Variants in E2F3 observed in about 807,000 individuals in gnomAD.
E2F3 encodes the protein E2F transcription factor 3.
In E2F3, 11 loss-of-function variants were observed where a neutral mutation model predicts 44.4. The observed-to-expected ratio is 0.25, with a 90% CI of 0.16 to 0.41. The LOEUF is 0.41. Ranked by LOEUF, E2F3 falls within the 10% of genes least tolerant of loss-of-function variation. E2F3 has a pLI of 1.00. For synonymous variants in E2F3, 249 were observed against 253.0 expected (o/e 0.98, Z 0.15); for missense variants, 487 against 583.6 (o/e 0.83, Z 1.70).
Position 20,401,931 on chromosome 6 carries a change from C to A in E2F3, c.-302C>A. On this transcript the variant is annotated 5_prime_UTR_variant, in exon 1 of 7. Coordinates refer to ENST00000346618, the MANE Select transcript of E2F3 (RefSeq NM_001949.5). ...GCCATTTTTCAGCTGCCGGCCGCAG[C>A]ACCCGGGCTGCCGCCGCCGCCTCGC... 2.5e-6 allele frequency: 1 copy of A among 405,794 alleles called. No individual in the cohort carries two copies. The highest frequency in any genetic ancestry group is 4.3e-6 in the Non-Finnish European group (1 of 232,340). The allele number at this position is 405,794 out of a possible 1,614,324, so 25.1% of individuals were successfully genotyped here. A position where few individuals can be genotyped will look rare whatever the true frequency, so the allele number is the denominator to read the frequency against.
At chr6:20,459,831 A>T (rs1360908848) in intron 1 of E2F3, among the ~76,000 whole-genome samples, 1 of 152,132 alleles carries the variant, frequency 6.6e-6, no homozygotes, top group Non-Finnish European at 1.5e-5. Flanking sequence ...AGTCCCAGCT[A>T]CTTGGGGGGT....
At chr6:20,486,897 T>G (rs532869275) in intron 5 of E2F3, 94 bp downstream of exon 5, 1 of 743,606 alleles carries the variant, frequency 1.3e-6, no homozygotes, top group East Asian at 2.6e-5. Context: ...TCTGTCCCCC[T>G]CCTATGAACT....
chr6:20,415,395 C>T (rs10080579), intron 1 of E2F3, among the ~76,000 whole-genome samples: 14,061 of 152,244 alleles, frequency 0.092, 1,846 homozygotes, highest in African/African-American at 0.29. Flanking sequence ...AGATACTTCT[C>T]CGTGGTGATA....
In E2F3 at chr6:20,402,645, C is replaced by T; in HGVS notation, c.393+20C>T. Reference sequence around the variant, plus strand: ...CCTCCGGTAATACCCTCCCTCCCCACCGTCCCCAGCCCCGGCGGGAGGTGG... The same window carrying T: ...CCTCCGGTAATACCCTCCCTCCCCATCGTCCCCAGCCCCGGCGGGAGGTGG... On this transcript the variant is annotated intron_variant, in intron 1 of 6. Transcript: ENST00000346618. This position sits in a 1 kb window ranked among gnomAD's most constrained non-coding sequence, Gnocchi z 5.6. 1 of 1,317,978 alleles carries T rather than the reference C, an allele frequency of 7.6e-7. No homozygotes were observed. The highest frequency in any genetic ancestry group is 9.6e-7 in the Non-Finnish European group (1 of 1,040,576). 81.6% of individuals were successfully genotyped at this position (1,317,978 alleles called of 1,614,324 possible).
intron 1 of E2F3, among the ~76,000 whole-genome samples, chr6:20,424,383 ATGTGTGTGTG>A (rs57510288): frequency 3.4e-5 from 5 of 147,052 alleles, no homozygotes; most frequent in East Asian, 2.0e-4. Context: ...GAGTGTGTGT[ATGTGTGTGTG>A]TGTGTGTGTG....
At chr6:20,441,264 C>T (rs930714600) in intron 1 of E2F3, among the ~76,000 whole-genome samples, 2 of 152,258 alleles carry the variant, frequency 1.3e-5, no homozygotes, top group East Asian at 1.9e-4. Context: ...AATATTTACC[C>T]TTCTGTATCT....
chr6:20,442,123 C>T (rs7760528), intron 1 of E2F3, among the ~76,000 whole-genome samples: 85,144 of 151,734 alleles, frequency 0.56, 25,936 homozygotes, highest in East Asian at 0.7. Context: ...GAGAAAGGAG[C>T]ATATTTGTTT....
At chr6:20,463,467 T>C (rs933538438) in intron 1 of E2F3, among the ~76,000 whole-genome samples, 6 of 152,208 alleles carry the variant, frequency 3.9e-5, no homozygotes, top group African/African-American at 1.2e-4. Context: ...TTCGCCTAGA[T>C]CTGTTTTCCA....
At chr6:20,463,837 C>T (rs1402418047) in intron 1 of E2F3, among the ~76,000 whole-genome samples, 2 of 152,346 alleles carry the variant, frequency 1.3e-5, no homozygotes, top group East Asian at 3.9e-4. Context: ...GAGCCCCGCA[C>T]AACTGTCCCC....
chr6:20,459,083 T>C (rs1037450051), intron 1 of E2F3, among the ~76,000 whole-genome samples: 1 of 152,110 alleles, frequency 6.6e-6, no homozygotes. Context: ...CTGGCCAACA[T>C]GGTGAAACCC....
At chr6:20,454,551 G>A (rs1288518728) in intron 1 of E2F3, among the ~76,000 whole-genome samples, 1 of 152,152 alleles carries the variant, frequency 6.6e-6, no homozygotes, top group Non-Finnish European at 1.5e-5. Context: ...TAGTGCTTTG[G>A]ACTAGAACAC....
intron 1 of E2F3, among the ~76,000 whole-genome samples, chr6:20,403,039 C>T (rs1759362638): frequency 6.6e-6 from 1 of 151,562 alleles, no homozygotes. Context: ...GTGGGGGGCT[C>T]TGAGGGGTTG....
At chr6:20,452,848 G>A (rs1053107446) in intron 1 of E2F3, among the ~76,000 whole-genome samples, 1 of 152,158 alleles carries the variant, frequency 6.6e-6, no homozygotes, top group Non-Finnish European at 1.5e-5. Context: ...CAGCTGCTCA[G>A]GAAGCTGAGG....
At chr6:20,434,172 A>G (rs1760498662) in intron 1 of E2F3, among the ~76,000 whole-genome samples, 1 of 152,206 alleles carries the variant, frequency 6.6e-6, no homozygotes, top group Non-Finnish European at 1.5e-5. Flanking sequence ...TCTTTTGGTT[A>G]AGACCTTAAT....
chr6:20,446,012 C>G (rs1760932002), intron 1 of E2F3, among the ~76,000 whole-genome samples: 1 of 152,150 alleles, frequency 6.6e-6, no homozygotes, highest in African/African-American at 2.4e-5. Flanking sequence ...ACAGTGTAGA[C>G]ATGCCACTTT....
chr6:20,469,668 G>A (rs1197034032), intron 1 of E2F3, among the ~76,000 whole-genome samples: 1 of 152,128 alleles, frequency 6.6e-6, no homozygotes, highest in Non-Finnish European at 1.5e-5. Context: ...AGGTTATAGT[G>A]AAATTAAAAT....
intron 1 of E2F3, among the ~76,000 whole-genome samples, chr6:20,439,244 A>G (rs1760693479): frequency 6.6e-6 from 1 of 152,220 alleles, no homozygotes; most frequent in Non-Finnish European, 1.5e-5. Flanking sequence ...ATTAAATTAT[A>G]AATAAGTAGC....
intron 1 of E2F3, among the ~76,000 whole-genome samples, chr6:20,471,059 C>T (rs1307165142): frequency 1.3e-5 from 2 of 152,154 alleles, no homozygotes; most frequent in Non-Finnish European, 2.9e-5. Context: ...GTAAAATCAC[C>T]ATAAGCCTAC....
rs563556667 is a variant in E2F3 at position 20,425,673 on chromosome 6, C to G, written c.393+23048C>G. On this transcript the variant is annotated intron_variant, in intron 1 of 6. Coordinates refer to ENST00000346618, the MANE Select transcript of E2F3 (RefSeq NM_001949.5). ...TCGGCCTCCCAAAGTGCTGGGATTA[C>G]AGGCGTGAGCCACTGCGCCCGGCCC... Among the ~76,000 whole-genome samples the G allele has an allele frequency of 2.7e-4, 41 of 152,330 alleles. No homozygotes were observed. In the East Asian group the frequency reaches 7.7e-3, roughly 29 times the overall value.
Sources: allele counts gnomAD v4.1 joint callset (sites outside exome capture counted in the v4.1 genomes callset), GRCh38; gene constraint gnomAD v4.1.1; non-coding constraint Gnocchi (gnomAD v3.1); transcripts MANE v1.5; gene names NCBI Gene and HGNC (gene_info 2026-07-23, HGNC 2026-07-21).